The following PRTN3 variants were observed in gnomAD, a reference collection of about 807,000 sequenced individuals.
The protein encoded by PRTN3 is myeloblastin.
In PRTN3, 22 loss-of-function variants were observed where a neutral mutation model predicts 20.7. The observed-to-expected ratio is 1.06, with a 90% CI of 0.76 to 1.52. The LOEUF (loss-of-function observed/expected upper bound fraction) is 1.52. Among genes scored for constraint, PRTN3 ranks in the 40% most tolerant of loss-of-function variants. The pLI is 0.00. For missense variants in PRTN3, 378 were observed against 359.6 expected (o/e 1.05, Z -0.41); for synonymous variants, 173 against 152.9 (o/e 1.13, Z -0.97).
At chr19:847,168 T>C (rs1249268139) in intron 4 of PRTN3, among the ~76,000 whole-genome samples, 1 of 152,104 alleles carries the variant, frequency 6.6e-6, no homozygotes, top group Non-Finnish European at 1.5e-5. Context: ...TAGCTGGGCA[T>C]GGTGATGTGA....
At position 847,946 on chromosome 19, in the gene PRTN3, G is replaced by C. The variant is rs767519225; in HGVS notation, c.748G>C (p.Val250Leu). ...CTGGATCCGTTCCACGCTGCGCCGT[G>C]TGGAGGCCAAGGGCCGCCCCTGAAC... ...VDWIRSTLRR[V>L]EAKGRP The change falls in exon 5 of 5, where the codon GTG becomes CTG. Residue 250 changes from valine to leucine, a missense_variant. Coordinates refer to ENST00000234347, the MANE Select transcript of PRTN3 (RefSeq NM_002777.4). 61 of 1,604,112 alleles carry C rather than the reference G, an allele frequency of 3.8e-5. No homozygotes were observed. The highest frequency in any genetic ancestry group is 2.0e-5 in the Non-Finnish European group (24 of 1,175,404).
intron 1 of PRTN3, among the ~76,000 whole-genome samples, 199 bp downstream of exon 1, chr19:841,268 T>C (rs2035434688): frequency 6.6e-6 from 1 of 152,248 alleles, no homozygotes; most frequent in Non-Finnish European, 1.5e-5. Context: ...CCTGGCCATT[T>C]GACTCAGTTG....
intron 3 of PRTN3, among the ~76,000 whole-genome samples, chr19:844,946 A>ATTTT (rs1203344875): frequency 5.7e-5 from 7 of 123,106 alleles, no homozygotes; most frequent in Admixed American, 1.7e-4. Flanking sequence ...TATAAAAGAC[A>ATTTT]TTTTTTTTTT....
At chr19:845,474 G>A (rs1472834649) in intron 3 of PRTN3, among the ~76,000 whole-genome samples, 1 of 151,976 alleles carries the variant, frequency 6.6e-6, no homozygotes, top group Admixed American at 6.6e-5. Flanking sequence ...CAGCACTTTG[G>A]GAGGCCGAGG....
rs1264840352 is a variant in PRTN3, at chr19:843,291, G to C, written c.62-170G>C. On this transcript the variant is annotated intron_variant, in intron 1 of 4. Transcript: ENST00000234347. ...CACCAGGGCGCCTTTGGAAATCGTCGTAATTATAACCCCCCCGGCCTGGGC... is the reference window on the plus strand; with the variant it reads ...CACCAGGGCGCCTTTGGAAATCGTCCTAATTATAACCCCCCCGGCCTGGGC... 4.6e-6 allele frequency: 3 copies of C among 649,962 alleles called. No homozygotes were observed. In the East Asian group the frequency reaches 9.2e-5, roughly 20 times the overall value. The allele number at this position is 649,962 out of a possible 1,614,324, so 40.3% of individuals were successfully genotyped here.
chr19:847,576 AG>A (rs2035535591), intron 4 of PRTN3, among the ~76,000 whole-genome samples: 2 of 152,158 alleles, frequency 1.3e-5, no homozygotes, highest in African/African-American at 4.8e-5. Flanking sequence ...AGAGAGAGAG[AG>A]AGAGAAAGAA....
rs1461493166 is a variant in PRTN3, at chr19:846,229, A to G, written c.452A>G (p.Gln151Arg). The G allele has an allele frequency of 1.3e-6, 2 of 1,551,560 alleles. No individual in the cohort carries two copies. Among genetic ancestry groups the G allele is most frequent in the Admixed American group, 2.0e-5 (1 of 50,416 alleles). ...GACCAGCCAGTGCCCCACGGCACCC[A>G]GTGCCTGGCCATGGGCTGGGGCCGC... ...QQDQPVPHGT[Q>R]CLAMGWGRVG... is the part of the protein sequence containing the mutation. Residue 151 changes from glutamine (Q) to arginine (R), a missense_variant, in exon 4 of 5, where the codon CAG becomes CGG. By Grantham distance (43) the Gln-to-Arg change is conservative (BLOSUM62 1). Coordinates refer to ENST00000234347, the MANE Select transcript of PRTN3 (RefSeq NM_002777.4).
rs145629657 is a variant in PRTN3 at position 847,555 on chromosome 19, AAGAGAG to A, written c.601-222_601-217del. Among the ~76,000 whole-genome samples the A allele has an allele frequency of 3.2e-3, 374 of 115,906 alleles. 1 individual carries two copies. The highest frequency in any genetic ancestry group is 0.013 in the African/African-American group (341 of 26,896). The allele number at this position is 115,906 out of a possible 152,430, so 76.0% of individuals were successfully genotyped here. ...AGAAAGAAAGAAAGAAAGAAAAAGA[AAGAGAG>A]AGAGAGAGAGAGAGAGAGAGAAAGA... On this transcript the variant is annotated intron_variant, in intron 4 of 4. Coordinates refer to ENST00000234347, the MANE Select transcript of PRTN3 (RefSeq NM_002777.4).
At chr19:842,738 C>T (rs2035462476) in intron 1 of PRTN3, among the ~76,000 whole-genome samples, 1 of 151,510 alleles carries the variant, frequency 6.6e-6, no homozygotes, top group Admixed American at 6.6e-5. Flanking sequence ...CAGGCACGTG[C>T]CACCACGCCC....
At position 848,127 on chromosome 19, in the gene PRTN3, C is replaced by A. The variant is rs1488080957; in HGVS notation, c.*158C>A. ...CTCCCACGGGGCTCCGGGAGACAGG[C>A]CGGCCCTGCACCTCACCCCACCGTG... On this transcript the variant is annotated 3_prime_UTR_variant, in exon 5 of 5. Transcript: ENST00000234347. The A allele has an allele frequency of 3.3e-6, 3 of 915,252 alleles. No individual in the cohort carries two copies. Among genetic ancestry groups the A allele is most frequent in the Admixed American group, 5.7e-5 (2 of 35,358 alleles). The allele number at this position is 915,252 out of a possible 1,614,324, so 56.7% of individuals were successfully genotyped here. A position where few individuals can be genotyped will look rare whatever the true frequency, so the allele number is the denominator to read the frequency against.
chr19:847,977 C>T lies in PRTN3; in HGVS notation c.*8C>T, dbSNP rs374823048. 7.7e-5 allele frequency: 122 copies of T among 1,593,880 alleles called. 4 individuals carry two copies. The highest frequency in any genetic ancestry group is 5.7e-4 in the East Asian group (25 of 44,172). ...GCCAAGGGCCGCCCCTGAACCGCCC[C>T]TCCCACAGCGCTGGCCGGGACCCCG... On this transcript the variant is annotated 3_prime_UTR_variant, in exon 5 of 5. Coordinates refer to ENST00000234347, the MANE Select transcript of PRTN3 (RefSeq NM_002777.4).
intron 2 of PRTN3, 123 bp from the exon 3 acceptor site, chr19:843,770 G>A (rs1460204429): frequency 6.9e-7 from 1 of 1,454,112 alleles, no homozygotes. Context: ...CAGTTCTGGG[G>A]GGAGGCCCGG....
chr19:845,017 G>A (rs1599283957), intron 3 of PRTN3, among the ~76,000 whole-genome samples: 1 of 146,166 alleles, frequency 6.8e-6, no homozygotes, highest in African/African-American at 2.5e-5. Context: ...GTGCAATCTC[G>A]GCTCACTGCC....
Position 846,248 on chromosome 19 carries a change from G to T in PRTN3, c.471G>T (p.Trp157Cys). Residue 157 changes from tryptophan to cysteine, a missense_variant, in exon 4 of 5, where the codon TGG (tryptophan) becomes TGT (cysteine). Trp to Cys is a radical substitution (Grantham distance 215). Coordinates refer to ENST00000234347, the MANE Select transcript of PRTN3 (RefSeq NM_002777.4). ...PHGTQCLAMG[W>C]GRVGAHDPPA... ...GCACCCAGTGCCTGGCCATGGGCTG[G>T]GGCCGCGTGGGTGCCCACGACCCCC... 6.4e-7 allele frequency: 1 copy of T among 1,561,524 alleles called. No individual in the cohort carries two copies. Among genetic ancestry groups the T allele is most frequent in the Non-Finnish European group, 8.7e-7 (1 of 1,154,084 alleles).
chr19:843,986 GAAC>G lies in PRTN3; in HGVS notation c.325_327del (p.Asn109del). Reference sequence around the variant, plus strand: ...ACTTCTCGGTGGCTCAGGTGTTTCTGAACAACTACGACGCGGAGAACAAACTGA... The same window carrying G: ...ACTTCTCGGTGGCTCAGGTGTTTCTGAACTACGACGCGGAGAACAAACTGA... On this transcript the variant is annotated inframe_deletion, in exon 3 of 5. Coordinates refer to ENST00000234347, the MANE Select transcript of PRTN3 (RefSeq NM_002777.4). 6.2e-7 allele frequency: 1 copy of G among 1,605,986 alleles called. No individual in the cohort carries two copies. Among genetic ancestry groups the G allele is most frequent in the South Asian group, 1.1e-5 (1 of 89,034 alleles).
At chr19:841,726 TTTTTC>T (rs1295893743) in intron 1 of PRTN3, among the ~76,000 whole-genome samples, 2 of 118,864 alleles carry the variant, frequency 1.7e-5, no homozygotes, top group Non-Finnish European at 3.6e-5. Context: ...TTTCTTTTTC[TTTTTC>T]TTTTTTTTTT....
At chr19:843,820 G>T in intron 2 of PRTN3, 73 bp from the exon 3 acceptor site, 2 of 1,504,974 alleles carry the variant, frequency 1.3e-6, no homozygotes, top group Non-Finnish European at 8.9e-7. Flanking sequence ...CTGCACCGCG[G>T]CCTCGGGAAG....
chr19:843,153 G>A (rs2035466327), intron 1 of PRTN3, among the ~76,000 whole-genome samples: 2 of 150,406 alleles, frequency 1.3e-5, no homozygotes, highest in South Asian at 4.2e-4. Context: ...TGAGCTCAAG[G>A]GAGCCTCCTG....
chr19:847,203 G>T (rs1396031643), intron 4 of PRTN3, among the ~76,000 whole-genome samples: 1 of 152,136 alleles, frequency 6.6e-6, no homozygotes, highest in Non-Finnish European at 1.5e-5. Flanking sequence ...CTACTCAGGA[G>T]GCTAAGGCAG....
Sources: gnomAD v4.1 joint callset for allele counts (sites outside exome capture counted in the v4.1 genomes callset) on GRCh38, gnomAD v4.1.1 for gene constraint, MANE v1.5 for transcripts, NCBI Gene and HGNC (gene_info 2026-07-23, HGNC 2026-07-21) for gene names.